The following FGD4 variants were observed in gnomAD, a reference collection of about 807,000 sequenced individuals.
FGD4 encodes FYVE, RhoGEF and PH domain containing 4.
Under a neutral mutation model 102.0 loss-of-function variants are expected in FGD4, and 42 were observed. The observed-to-expected ratio is 0.41, with a 90% CI of 0.32 to 0.53. FGD4 has a LOEUF of 0.53. Ranked by LOEUF, FGD4 falls within the 20% of genes least tolerant of loss-of-function variation. The pLI is 0.21. For synonymous variants in FGD4, 380 were observed against 375.7 expected (o/e 1.01, Z -0.13); for missense variants, 902 against 1,078.2 (o/e 0.84, Z 2.29).
chr12:32,487,615 C>A (rs751482021), intron 1 of FGD4, among the ~76,000 whole-genome samples: 2 of 152,122 alleles, frequency 1.3e-5, no homozygotes, highest in Non-Finnish European at 2.9e-5. Context: ...TTAGTAGAGA[C>A]GAGGTTTTGC....
At chr12:32,402,576 G>T (rs1429872768) in intron 1 of FGD4, among the ~76,000 whole-genome samples, 1 of 150,660 alleles carries the variant, frequency 6.6e-6, no homozygotes, top group Non-Finnish European at 1.5e-5. Flanking sequence ...AGTCTCTTAA[G>T]TAGATGGGAC....
chr12:32,420,917 G>C (rs1941603266), intron 1 of FGD4, among the ~76,000 whole-genome samples: 3 of 151,926 alleles, frequency 2.0e-5, no homozygotes, highest in Admixed American at 2.0e-4. Context: ...AAAGAGACAG[G>C]GTCTCCACTC....
At chr12:32,456,407 A>T (rs2047643) in intron 1 of FGD4, among the ~76,000 whole-genome samples, 15,368 of 152,124 alleles carry the variant, frequency 0.1, 856 homozygotes, top group Middle Eastern at 0.26. Context: ...TTCTGTTTTC[A>T]TAGCACCTGA....
At chr12:32,599,664 C>T (rs1334322288) in intron 5 of FGD4, among the ~76,000 whole-genome samples, 1 of 143,828 alleles carries the variant, frequency 7.0e-6, no homozygotes, top group Non-Finnish European at 1.5e-5. Context: ...TCTCCTGCCT[C>T]AGCCTCCCGA....
chr12:32,496,075 A>G (rs1301292603), intron 1 of FGD4, among the ~76,000 whole-genome samples: 1 of 152,262 alleles, frequency 6.6e-6, no homozygotes, highest in Non-Finnish European at 1.5e-5. Flanking sequence ...CCTGGTATCA[A>G]CAATAAACAT....
chr12:32,521,154 C>T (rs1300585924), intron 1 of FGD4, among the ~76,000 whole-genome samples: 11 of 151,708 alleles, frequency 7.3e-5, no homozygotes, highest in Admixed American at 5.9e-4. Flanking sequence ...TTTGGGAGTC[C>T]GAGGCGGGTG....
intron 4 of FGD4, among the ~76,000 whole-genome samples, chr12:32,597,624 C>T (rs1948012658): frequency 6.6e-6 from 1 of 152,066 alleles, no homozygotes; most frequent in Admixed American, 6.6e-5. Context: ...GTAGTAGGCA[C>T]AGGAGATACA....
intron 1 of FGD4, among the ~76,000 whole-genome samples, chr12:32,422,897 G>C (rs185382287): frequency 1.3e-5 from 2 of 152,170 alleles, no homozygotes. Context: ...TAGTCATCAC[G>C]AGTGGGAACT....
intron 1 of FGD4, among the ~76,000 whole-genome samples, chr12:32,463,572 ACT>A (rs930654988): frequency 2.6e-5 from 4 of 152,160 alleles, no homozygotes; most frequent in African/African-American, 9.7e-5. Flanking sequence ...ATATTTTTTA[ACT>A]CTGTGCAATG....
intron 1 of FGD4, among the ~76,000 whole-genome samples, chr12:32,500,861 G>A (rs1938167419): frequency 6.6e-6 from 1 of 152,190 alleles, no homozygotes; most frequent in South Asian, 2.1e-4. Flanking sequence ...ACAGTCTTTA[G>A]TCATTCATCA....
At chr12:32,620,530 T>C (rs1362491828) in intron 11 of FGD4, among the ~76,000 whole-genome samples, 5 of 138,484 alleles carry the variant, frequency 3.6e-5, no homozygotes, top group African/African-American at 5.5e-5. Flanking sequence ...CTTTTTTTTT[T>C]TTTTTTTTTT....
chr12:32,527,331 A>G (rs1941353698), intron 1 of FGD4, among the ~76,000 whole-genome samples: 2 of 152,222 alleles, frequency 1.3e-5, no homozygotes, highest in African/African-American at 4.8e-5. Flanking sequence ...GAATGCTGAC[A>G]GAAGCAGTGA....
At chr12:32,483,536 G>T (rs1301297776) in intron 1 of FGD4, among the ~76,000 whole-genome samples, 4 of 152,144 alleles carry the variant, frequency 2.6e-5, no homozygotes, top group Non-Finnish European at 2.9e-5. Context: ...ATTGAAAAAA[G>T]AGGTCAAGAA....
Position 32,399,904 on chromosome 12 carries a change from C to G in FGD4, c.111C>G (p.His37Gln). ...GGCCCTGGAGCAGGCCCGCGTCGCA[C>G]CTGGGACGTGTAGGGACCGCTGCCT... ...VPRPWSRPAS[H>Q]LGRVGTAAFK... is the part of the protein sequence containing the mutation. The change falls in exon 1 of 17, where the codon CAC becomes CAG. Residue 37 changes from histidine (H) to glutamine (Q), a missense_variant. By Grantham distance (24) the His-to-Gln change is conservative (BLOSUM62 0). Around this residue, in one of 2 missense-constraint regions of FGD4, gnomAD observed 443 missense variants for 459.2 expected, o/e 0.96. Transcript: ENST00000534526. 1 of 1,527,692 alleles carries G rather than the reference C, an allele frequency of 6.5e-7. No individual in the cohort carries two copies. The allele number at this position is 1,527,692 out of a possible 1,614,324, so 94.6% of individuals were successfully genotyped here.
chr12:32,638,389 G>A (rs1021899066), intron 15 of FGD4, among the ~76,000 whole-genome samples: 4 of 152,136 alleles, frequency 2.6e-5, no homozygotes, highest in Non-Finnish European at 5.9e-5. Context: ...AGGATTAAAT[G>A]AAATAAGACA....
At chr12:32,447,385 AT>A (rs1337557186) in intron 1 of FGD4, among the ~76,000 whole-genome samples, 2 of 151,476 alleles carry the variant, frequency 1.3e-5, no homozygotes, top group Non-Finnish European at 3.0e-5. Context: ...CCATTTTTAC[AT>A]TTCTCAGTGA....
chr12:32,459,594 T>C (rs1397032756), intron 1 of FGD4, among the ~76,000 whole-genome samples: 2 of 152,164 alleles, frequency 1.3e-5, no homozygotes, highest in Non-Finnish European at 2.9e-5. Flanking sequence ...TTTGATTCTT[T>C]TGTGCTATTC....
intron 1 of FGD4, among the ~76,000 whole-genome samples, chr12:32,520,425 G>GGTT (rs1940384935): frequency 9.0e-6 from 1 of 111,366 alleles, no homozygotes; most frequent in African/African-American, 3.2e-5. Context: ...TCTATTGTGG[G>GGTT]TTTTTTTGTT....
intron 2 of FGD4, among the ~76,000 whole-genome samples, chr12:32,567,218 A>G (rs1945257821): frequency 6.6e-6 from 1 of 152,158 alleles, no homozygotes; most frequent in South Asian, 2.1e-4. Flanking sequence ...GCTTTCTTGC[A>G]GTGTTATTTT....
Sources: allele counts gnomAD v4.1 joint callset (sites outside exome capture counted in the v4.1 genomes callset), GRCh38; gene constraint gnomAD v4.1.1; regional missense constraint gnomAD v4.1.1; transcripts MANE v1.5; gene names NCBI Gene and HGNC (gene_info 2026-07-23, HGNC 2026-07-21).